Variants in SPTLC3 observed in about 807,000 individuals in gnomAD.
The protein encoded by SPTLC3 is serine palmitoyltransferase long chain base subunit 3, also known as serine palmitoyltransferase 3.
A neutral mutation model predicts 59.3 loss-of-function variants in SPTLC3; 36 were observed. The observed-to-expected ratio is 0.61, with a 90% CI of 0.47 to 0.80. The LOEUF is 0.80. Among genes scored for constraint, SPTLC3 ranks in the 30% least tolerant of loss-of-function variants. The pLI is 0.00. For synonymous variants in SPTLC3, 257 were observed against 240.8 expected, an observed-to-expected ratio of 1.07 and a Z score of -0.62; for missense variants, 625 against 685.1, an observed-to-expected ratio of 0.91 and a Z score of 0.98.
rs184644821 is a variant in SPTLC3, at chr20:13,167,768, G to A, written c.*2901G>A. 107 of 152,218 alleles carry A rather than the reference G, an allele frequency of 7.0e-4. No homozygotes were observed. The highest frequency in any genetic ancestry group is 2.5e-3 in the African/African-American group (105 of 41,530). The allele number at this position is 152,218 out of a possible 1,614,324, so 9.4% of individuals were successfully genotyped here. The stretch of plus-strand genomic sequence containing the variant: ...AAGCTGGCTAAAATCCATACCCCTA[G>A]GCCCTACACCAGACCTTTACTGAAA... On this transcript the variant is annotated 3_prime_UTR_variant, in exon 12 of 12. Transcript: ENST00000399002.
chr20:13,163,883 G>C (rs1342154400), intron 11 of SPTLC3, among the ~76,000 whole-genome samples: 1 of 152,122 alleles, frequency 6.6e-6, no homozygotes, highest in Non-Finnish European at 1.5e-5. Flanking sequence ...TGATATACTA[G>C]AATTGAAAAT....
chr20:13,115,644 C>A (rs987572228), intron 7 of SPTLC3, among the ~76,000 whole-genome samples: 1 of 152,064 alleles, frequency 6.6e-6, no homozygotes, highest in Admixed American at 6.6e-5. Flanking sequence ...AGCATGACAC[C>A]CACATGCCTC....
At chr20:13,128,970 G>T (rs1311732497) in intron 9 of SPTLC3, among the ~76,000 whole-genome samples, 1 of 151,206 alleles carries the variant, frequency 6.6e-6, no homozygotes, top group African/African-American at 2.4e-5. Context: ...TCCGCCTCCT[G>T]GGTTCAAGCA....
rs1239931536 is a variant in SPTLC3, at chr20:13,166,831, G to A, written c.*1964G>A. 1 of 152,180 alleles carries A rather than the reference G, an allele frequency of 6.6e-6. No homozygotes were observed. Among genetic ancestry groups the A allele is most frequent in the Non-Finnish European group, 1.5e-5 (1 of 68,040 alleles). The allele number at this position is 152,180 out of a possible 1,614,324, so 9.4% of individuals were successfully genotyped here. A position where few individuals can be genotyped will look rare whatever the true frequency, so the allele number is the denominator to read the frequency against. On this transcript the variant is annotated 3_prime_UTR_variant, in exon 12 of 12. Transcript: ENST00000399002. Reference sequence around the variant, plus strand: ...TCAAGTTTTAAGCCCCTAGACATGTGTCTTCATGAGCAGGAATGTCCACTA... The same window carrying A: ...TCAAGTTTTAAGCCCCTAGACATGTATCTTCATGAGCAGGAATGTCCACTA...
chr20:13,117,855 T>A, intron 8 of SPTLC3, 130 bp downstream of exon 8: 1 of 820,066 alleles, frequency 1.2e-6, no homozygotes, highest in Non-Finnish European at 1.9e-6. Context: ...CCAGCCTGGC[T>A]ACAGTGGGTT....
intron 2 of SPTLC3, among the ~76,000 whole-genome samples, chr20:13,055,703 T>C (rs1449464330): frequency 6.6e-6 from 1 of 152,176 alleles, no homozygotes; most frequent in Non-Finnish European, 1.5e-5. Context: ...AAGAGTTGTT[T>C]CCTAGAAAGC....
chr20:13,136,852 G>A (rs2038259484), intron 9 of SPTLC3, among the ~76,000 whole-genome samples: 1 of 151,278 alleles, frequency 6.6e-6, no homozygotes, highest in African/African-American at 2.4e-5. Flanking sequence ...CTGCAAAAAA[G>A]GTCATAAATA....
chr20:13,146,878 G>C (rs528882453), intron 9 of SPTLC3, among the ~76,000 whole-genome samples: 4 of 152,162 alleles, frequency 2.6e-5, no homozygotes, highest in Non-Finnish European at 4.4e-5. Context: ...AATCTCCTAG[G>C]CACTGCCAAT....
At chr20:13,072,440 A>T (rs911985911) in intron 3 of SPTLC3, 30 bp downstream of exon 3, 1 of 1,530,358 alleles carries the variant, frequency 6.5e-7, no homozygotes, top group Non-Finnish European at 8.8e-7. Context: ...GGGATTGGTG[A>T]AAAGAAAAAC....
At chr20:13,016,060 T>C (rs1234065892) in intron 1 of SPTLC3, among the ~76,000 whole-genome samples, 4 of 151,922 alleles carry the variant, frequency 2.6e-5, no homozygotes, top group African/African-American at 9.7e-5. Flanking sequence ...TTTCTGATTA[T>C]ATAAATAACT....
At chr20:13,057,416 T>C (rs1371687925) in intron 2 of SPTLC3, among the ~76,000 whole-genome samples, 3 of 152,260 alleles carry the variant, frequency 2.0e-5, no homozygotes, top group Non-Finnish European at 4.4e-5. Context: ...TAAGAATTTA[T>C]TAATCCAATT....
intron 6 of SPTLC3, 80 bp downstream of exon 6, chr20:13,093,657 G>T: frequency 3.1e-6 from 4 of 1,299,850 alleles, no homozygotes; most frequent in Non-Finnish European, 4.3e-6. Flanking sequence ...GCTTTGTTCT[G>T]CTCTTCAAGG....
chr20:13,055,624 T>C (rs995969122), intron 2 of SPTLC3, among the ~76,000 whole-genome samples: 1 of 152,226 alleles, frequency 6.6e-6, no homozygotes, highest in Non-Finnish European at 1.5e-5. Context: ...TCTATTAAAC[T>C]AGCAGGTCTA....
Position 13,154,134 on chromosome 20 carries a change from G to T in SPTLC3, c.1411G>T (p.Val471Leu). 2 of 1,614,078 alleles carry T rather than the reference G, an allele frequency of 1.2e-6. No homozygotes were observed. The highest frequency in any genetic ancestry group is 8.5e-7 in the Non-Finnish European group (1 of 1,179,974). ...VPLLLYMPGK[V>L]AAFARHMLEK... is the part of the protein sequence containing the mutation. ...TCTGCTTCTTTATATGCCTGGTAAAGTAGCGTAAGTATCCAAGGCATCTCA... is the reference window on the plus strand; with the variant it reads ...TCTGCTTCTTTATATGCCTGGTAAATTAGCGTAAGTATCCAAGGCATCTCA... Residue 471 changes from valine (V) to leucine (L), a missense_variant, in exon 10 of 12, where the codon GTA becomes TTA. Physicochemically the swap from Val to Leu is conservative, Grantham distance 32. Coordinates refer to ENST00000399002, the MANE Select transcript of SPTLC3 (RefSeq NM_018327.4).
chr20:13,010,341 A>G (rs1243251451), intron 1 of SPTLC3, among the ~76,000 whole-genome samples: 1 of 152,198 alleles, frequency 6.6e-6, no homozygotes, highest in Admixed American at 6.5e-5. Flanking sequence ...GAGAGCAAGT[A>G]TCCACCCACA....
At chr20:13,027,819 G>C (rs1986233547) in intron 1 of SPTLC3, among the ~76,000 whole-genome samples, 1 of 152,090 alleles carries the variant, frequency 6.6e-6, no homozygotes, top group Admixed American at 6.6e-5. Context: ...TTATAGCTAG[G>C]CAGCAAAGTG....
chr20:13,094,931 C>A (rs1487678776), intron 6 of SPTLC3, among the ~76,000 whole-genome samples: 1 of 152,202 alleles, frequency 6.6e-6, no homozygotes, highest in African/African-American at 2.4e-5. Flanking sequence ...CTCATTTGTC[C>A]ATTTTGCATC....
intron 9 of SPTLC3, 46 bp downstream of exon 9, chr20:13,126,763 C>T: frequency 6.2e-7 from 1 of 1,602,542 alleles, no homozygotes; most frequent in Non-Finnish European, 8.5e-7. Context: ...TCTCTGTCTC[C>T]CTTCTGCCTC....
chr20:13,072,800 A>G lies in SPTLC3; in HGVS notation c.458+390A>G, dbSNP rs1201088794. On this transcript the variant is annotated intron_variant, in intron 3 of 11. Coordinates refer to ENST00000399002, the MANE Select transcript of SPTLC3 (RefSeq NM_018327.4). Reference sequence around the variant, plus strand: ...AAACCAGAGCATGAGTGTCATAGAAATAAGTGCCCAAGGAAAATCAGGTCT... The same window carrying G: ...AAACCAGAGCATGAGTGTCATAGAAGTAAGTGCCCAAGGAAAATCAGGTCT... Among the ~76,000 whole-genome samples the G allele has an allele frequency of 3.3e-5, 5 of 152,244 alleles. No individual in the cohort carries two copies. The East Asian group carries it at 9.6e-4, about 29-fold the overall frequency.
Sources: gnomAD v4.1 joint callset for allele counts (sites outside exome capture counted in the v4.1 genomes callset) on GRCh38, gnomAD v4.1.1 for gene constraint, MANE v1.5 for transcripts, NCBI Gene and HGNC (gene_info 2026-07-23, HGNC 2026-07-21) for gene names.